The following PDE1C variants were observed in gnomAD, a reference collection of about 807,000 sequenced individuals.
PDE1C encodes phosphodiesterase 1C, also known as dual specificity calcium/calmodulin-dependent 3',5'-cyclic nucleotide phosphodiesterase 1C.
In PDE1C, 62 loss-of-function variants were observed where a neutral mutation model predicts 93.1. The ratio of observed to expected loss-of-function variants is 0.67; its 90% CI spans 0.54 to 0.82. The LOEUF (loss-of-function observed/expected upper bound fraction) is 0.82. PDE1C is among the 40% of genes least tolerant of loss of function. PDE1C has a pLI of 0.00. For missense variants in PDE1C, 742 were observed against 884.6 expected (o/e 0.84, Z 2.04); for synonymous variants, 325 against 310.1 (o/e 1.05, Z -0.50).
At chr7:31,770,739 A>T (rs113972242) in intron 17 of PDE1C, among the ~76,000 whole-genome samples, 2,029 of 152,152 alleles carry the variant, frequency 0.013, 21 homozygotes, top group Non-Finnish European at 0.02. Flanking sequence ...TGAACTCCTG[A>T]CCTCAAATGA....
chr7:32,058,099 A>G (rs145357904), intron 1 of PDE1C, among the ~76,000 whole-genome samples: 2 of 152,212 alleles, frequency 1.3e-5, no homozygotes, highest in African/African-American at 4.8e-5. Flanking sequence ...GTTGGGCACA[A>G]GATTTCCTGG....
At chr7:31,884,328 G>A (rs1337736862) in intron 2 of PDE1C, among the ~76,000 whole-genome samples, 3 of 151,922 alleles carry the variant, frequency 2.0e-5, no homozygotes, top group Non-Finnish European at 2.9e-5. Context: ...GAATTTTAGG[G>A]AGCATCTGCT....
intron 1 of PDE1C, among the ~76,000 whole-genome samples, chr7:32,393,048 C>CAAAA (rs35905868): frequency 1.3e-3 from 61 of 48,406 alleles, no homozygotes; most frequent in Middle Eastern, 0.025. Context: ...GACTCTGTCT[C>CAAAA]AAAAAAAAAA....
the PDE1C span, among the ~76,000 whole-genome samples, chr7:31,691,555 C>G: frequency 3.3e-5 from 5 of 152,060 alleles, no homozygotes; most frequent in Admixed American, 3.3e-4. Context: ...CATATCCATT[C>G]TGGAATTCCA....
At chr7:32,288,214 T>C (rs1374805758) in intron 1 of PDE1C, among the ~76,000 whole-genome samples, 1 of 152,192 alleles carries the variant, frequency 6.6e-6, no homozygotes, top group Non-Finnish European at 1.5e-5. Context: ...CACTCCGACT[T>C]CTTGGAGTAG....
At chr7:32,374,293 A>AAG (rs1784394994) in intron 1 of PDE1C, among the ~76,000 whole-genome samples, 1 of 150,746 alleles carries the variant, frequency 6.6e-6, no homozygotes, top group Middle Eastern at 3.2e-3. Context: ...GAAAGAAAGA[A>AAG]AGAAAGAAAG....
intron 2 of PDE1C, among the ~76,000 whole-genome samples, chr7:31,940,819 T>G (rs150663024): frequency 1.3e-5 from 2 of 152,244 alleles, no homozygotes; most frequent in African/African-American, 4.8e-5. Flanking sequence ...AGTTTCACTC[T>G]GAGCATCCTG....
intron 1 of PDE1C, among the ~76,000 whole-genome samples, chr7:32,340,087 T>C (rs1204781560): frequency 6.6e-6 from 1 of 151,886 alleles, no homozygotes; most frequent in Non-Finnish European, 1.5e-5. Context: ...GTCCTGGCAG[T>C]GAAGGAGAGG....
At chr7:31,671,018 T>G in the PDE1C span, among the ~76,000 whole-genome samples, 1 of 152,298 alleles carries the variant, frequency 6.6e-6, no homozygotes, top group African/African-American at 2.4e-5. Flanking sequence ...CTCCATCCCC[T>G]TTCCAGCTCC....
rs1485640910 is a variant in PDE1C, at chr7:32,206,145, C to A, written c.136+3344G>T. On this transcript the variant is annotated intron_variant, in intron 2 of 18. Transcript: ENST00000396193. ...AGAATTCAAACCCCGGCTTGACCCC[C>A]AGAGCTTACATGGTGGCTGCTGGGG... 2.6e-5 allele frequency among the ~76,000 whole-genome samples: 4 copies of A among 152,218 alleles called. No individual in the cohort carries two copies. In the East Asian group the frequency reaches 7.7e-4, roughly 29 times the overall value.
At chr7:32,356,784 GC>G (rs1399424874) in intron 1 of PDE1C, among the ~76,000 whole-genome samples, 1 of 152,146 alleles carries the variant, frequency 6.6e-6, no homozygotes, top group East Asian at 1.9e-4. Flanking sequence ...AGTCGCATGT[GC>G]TTTTCATACA....
rs73308511 is a variant in PDE1C, at chr7:32,288,715, A to G, written c.85+9936T>C. ...ACTAGATACAGTGGACCTTTCTGAG[A>G]AACTGTAAACTAATTACTTTAAAAA... On this transcript the variant is annotated intron_variant, in intron 1 of 18. Coordinates refer to the PDE1C transcript ENST00000396193. 9.5e-3 allele frequency among the ~76,000 whole-genome samples: 1,454 copies of G among 152,350 alleles called. 28 individuals carry two copies. The highest frequency in any genetic ancestry group is 0.034 in the African/African-American group (1,406 of 41,572).
intron 3 of PDE1C, among the ~76,000 whole-genome samples, chr7:32,109,939 A>C (rs1457002574): frequency 6.6e-6 from 1 of 152,210 alleles, no homozygotes; most frequent in Non-Finnish European, 1.5e-5. Context: ...TAATAAACTC[A>C]AAGTGAAATG....
the PDE1C span, among the ~76,000 whole-genome samples, chr7:31,635,187 G>T: frequency 6.6e-6 from 1 of 152,140 alleles, no homozygotes. Context: ...CTCATCCTTT[G>T]TCTCATTTAA....
intron 1 of PDE1C, among the ~76,000 whole-genome samples, chr7:32,388,326 C>T (rs1051056597): frequency 2.6e-5 from 4 of 152,144 alleles, no homozygotes; most frequent in Admixed American, 6.5e-5. Context: ...TGAGCAAGTA[C>T]TGAAACTGCC....
chr7:31,730,755 T>C, the PDE1C span, among the ~76,000 whole-genome samples: 2 of 151,918 alleles, frequency 1.3e-5, no homozygotes, highest in Non-Finnish European at 2.9e-5. Context: ...CAACCATGGC[T>C]ATGCATCGGA....
chr7:31,886,051 C>T (rs2128889027), intron 2 of PDE1C, among the ~76,000 whole-genome samples: 1 of 152,298 alleles, frequency 6.6e-6, no homozygotes. Flanking sequence ...GTACTGCTGT[C>T]TCAGAAAGGC....
intron 2 of PDE1C, among the ~76,000 whole-genome samples, chr7:32,042,846 T>C (rs1792021084): frequency 6.6e-6 from 1 of 152,184 alleles, no homozygotes; most frequent in Admixed American, 6.5e-5. Flanking sequence ...GACTTCCTCC[T>C]GGAAGGACCT....
the PDE1C span, among the ~76,000 whole-genome samples, chr7:31,674,064 G>A: frequency 6.6e-6 from 1 of 152,166 alleles, no homozygotes. Context: ...ACCATTCAGT[G>A]ACTTTGCACA....
Sources: allele counts gnomAD v4.1 joint callset (sites outside exome capture counted in the v4.1 genomes callset), GRCh38; gene constraint gnomAD v4.1.1; transcripts MANE v1.5; gene names NCBI Gene and HGNC (gene_info 2026-07-23, HGNC 2026-07-21).